The following PTPN2 variants were observed in gnomAD, a reference collection of about 807,000 sequenced individuals.
The protein encoded by PTPN2 is tyrosine-protein phosphatase non-receptor type 2.
PTPN2 carries 19 observed loss-of-function variants against 57.3 expected under a neutral mutation model. The ratio of observed to expected loss-of-function variants is 0.33; its 90% CI spans 0.23 to 0.49. The LOEUF is 0.49. Ranked by LOEUF, PTPN2 falls within the 20% of genes least tolerant of loss-of-function variation. PTPN2 has a pLI of 0.99. For synonymous variants in PTPN2, 153 were observed against 164.9 expected (o/e 0.93, Z 0.55); for missense variants, 358 against 501.1 (o/e 0.71, Z 2.73).
rs1334597034 is a variant in PTPN2, at chr18:12,793,589, A to G, written c.*689T>C. ...AATGGGGAAAACTGTAAAACATAAA[A>G]GAAATGCAATATATAGTAGAAATTG... On this transcript the variant is annotated 3_prime_UTR_variant, in exon 9 of 9. Transcript: ENST00000309660. 2.0e-6 allele frequency: 2 copies of G among 978,072 alleles called. No individual in the cohort carries two copies. Among genetic ancestry groups the G allele is most frequent in the African/African-American group, 1.8e-5 (1 of 57,062 alleles). 60.6% of individuals were successfully genotyped at this position (978,072 alleles called of 1,614,324 possible).
rs2044787351 is a variant in PTPN2 at position 12,884,228 on chromosome 18, C to T, written c.-87G>A. The T allele has an allele frequency of 6.9e-6, 7 of 1,012,872 alleles. No homozygotes were observed. Among genetic ancestry groups the T allele is most frequent in the South Asian group, 2.2e-5 (1 of 46,220 alleles). The allele number at this position is 1,012,872 out of a possible 1,614,324, so 62.7% of individuals were successfully genotyped here. A position where few individuals can be genotyped will look rare whatever the true frequency, so the allele number is the denominator to read the frequency against. ...CGATCCGGGGAGAGCGCTGGCGCTG[C>T]GGCGCATGCGCGCTGCGCGCCGCGC... On this transcript the variant is annotated 5_prime_UTR_variant, in exon 1 of 9. Coordinates refer to ENST00000309660, the MANE Select transcript of PTPN2 (RefSeq NM_002828.4).
intron 8 of PTPN2, among the ~76,000 whole-genome samples, chr18:12,798,746 G>A (rs1418809925): frequency 6.6e-6 from 1 of 152,138 alleles, no homozygotes; most frequent in Non-Finnish European, 1.5e-5. Context: ...ACAGTACAAT[G>A]ATTTATATTC....
At chr18:12,789,915 CAGAG>C (rs1355738518), downstream of PTPN2, among the ~76,000 whole-genome samples, 1 of 149,538 alleles carries the variant, frequency 6.7e-6, no homozygotes, top group Non-Finnish European at 1.5e-5. Flanking sequence ...TTATGAGAGA[CAGAG>C]AGAGAGAGGG....
At chr18:12,859,073 C>G in intron 2 of PTPN2, 91 bp downstream of exon 2, 2 of 873,910 alleles carry the variant, frequency 2.3e-6, no homozygotes, top group Admixed American at 2.6e-5. Flanking sequence ...CTGTATTTAT[C>G]AACACTGACC....
At position 12,793,879 on chromosome 18, in the gene PTPN2, C is replaced by T. The variant is rs1054651650; in HGVS notation, c.*399G>A. Reference sequence around the variant, plus strand: ...CATTATTTAAATGTCATTTTCTTTCCAATAACGTAGATAAAACCACAATAT... The same window carrying T: ...CATTATTTAAATGTCATTTTCTTTCTAATAACGTAGATAAAACCACAATAT... On this transcript the variant is annotated 3_prime_UTR_variant, in exon 9 of 9. Transcript: ENST00000309660. 4.8e-6 allele frequency: 5 copies of T among 1,048,824 alleles called. No individual in the cohort carries two copies. Among genetic ancestry groups the T allele is most frequent in the Non-Finnish European group, 5.8e-6 (5 of 867,818 alleles). The allele number at this position is 1,048,824 out of a possible 1,614,324, so 65.0% of individuals were successfully genotyped here.
intron 1 of PTPN2, among the ~76,000 whole-genome samples, chr18:12,867,607 T>A (rs756707389): frequency 1.2e-4 from 18 of 149,420 alleles, no homozygotes; most frequent in Non-Finnish European, 2.7e-4. Flanking sequence ...ATTTGAGTCT[T>A]CCTTGTCGCT....
chr18:12,861,195 T>G (rs1385236997), intron 1 of PTPN2, among the ~76,000 whole-genome samples: 1 of 152,196 alleles, frequency 6.6e-6, no homozygotes, highest in Non-Finnish European at 1.5e-5. Flanking sequence ...AATATGAAAC[T>G]TCTCCATTTT....
intron 8 of PTPN2, among the ~76,000 whole-genome samples, chr18:12,798,171 C>T (rs573679594): frequency 6.6e-6 from 1 of 152,292 alleles, no homozygotes; most frequent in East Asian, 1.9e-4. Flanking sequence ...CACACACACA[C>T]TTACATAGGT....
At chr18:12,883,771 C>G (rs1371019394) in intron 1 of PTPN2, 1 of 282,016 alleles carries the variant, frequency 3.5e-6, no homozygotes, top group Non-Finnish European at 6.7e-6. Flanking sequence ...CCGCGCAACG[C>G]TGGTGGCGCA....
intron 2 of PTPN2, among the ~76,000 whole-genome samples, chr18:12,851,624 T>A (rs780131771): frequency 6.6e-6 from 1 of 152,246 alleles, no homozygotes; most frequent in Non-Finnish European, 1.5e-5. Context: ...GCTTAATACA[T>A]CTTGGGGCTA....
chr18:12,814,416 T>A, intron 6 of PTPN2, 61 bp from the exon 7 acceptor site: 1 of 1,391,390 alleles, frequency 7.2e-7, no homozygotes, highest in South Asian at 1.4e-5. Context: ...ACAGAATCAA[T>A]GCAAGATCAT....
chr18:12,883,580 C>T (rs1290431891), intron 1 of PTPN2: 1 of 152,416 alleles, frequency 6.6e-6, no homozygotes, highest in Non-Finnish European at 1.5e-5. Context: ...GCTCGCCCGC[C>T]CCCGCCCTCA....
Position 12,884,132 on chromosome 18 carries a change from T to A in PTPN2, c.10A>T (p.Thr4Ser), listed in dbSNP as rs945467973. 1.3e-6 allele frequency: 2 copies of A among 1,585,144 alleles called. No individual in the cohort carries two copies. Among genetic ancestry groups the A allele is most frequent in the Non-Finnish European group, 1.7e-6 (2 of 1,167,248 alleles). The change falls in exon 1 of 9, where the codon ACC becomes TCC. Residue 4 changes from threonine to serine, a missense_variant. Transcript: ENST00000309660. Reference sequence around the variant, plus strand: ...AACTCTTCGAACTCCCGCTCGATGGTGGTGGGCATGGCTGCGGGAGCGAGC... The same window carrying A: ...AACTCTTCGAACTCCCGCTCGATGGAGGTGGGCATGGCTGCGGGAGCGAGC... Reference protein sequence around the residue: MPTTIEREFEELDT... With the variant: MPTSIEREFEELDT...
At chr18:12,874,127 C>T (rs1382301930) in intron 1 of PTPN2, among the ~76,000 whole-genome samples, 1 of 151,998 alleles carries the variant, frequency 6.6e-6, no homozygotes, top group Non-Finnish European at 1.5e-5. Flanking sequence ...AGCGTCTCCA[C>T]CTGGCAGCCG....
intron 1 of PTPN2, among the ~76,000 whole-genome samples, chr18:12,877,230 G>GA (rs906417677): frequency 1.3e-4 from 20 of 149,654 alleles, no homozygotes; most frequent in African/African-American, 9.8e-5. Flanking sequence ...GGAAAACAAA[G>GA]AAAAAAAAAG....
At chr18:12,821,981 T>C (rs2042284666) in intron 5 of PTPN2, among the ~76,000 whole-genome samples, 1 of 152,054 alleles carries the variant, frequency 6.6e-6, no homozygotes, top group Admixed American at 6.6e-5. Flanking sequence ...CCCTTCGAAG[T>C]TAAAAACCTC....
Position 12,870,437 on chromosome 18 carries a change from ATG to A in PTPN2, c.70-11185_70-11184del, listed in dbSNP as rs1233162492. Among the ~76,000 whole-genome samples the A allele has an allele frequency of 6.1e-3, 163 of 26,520 alleles. 21 individuals are homozygous for A. Among genetic ancestry groups the A allele is most frequent in the African/African-American group, 0.04 (138 of 3,466 alleles). The allele number at this position is 26,520 out of a possible 152,430, so 17.4% of individuals were successfully genotyped here. ...TATGTATATATATACGTATATATAT[ATG>A]TGTATATATATATATATATATATAG... On this transcript the variant is annotated intron_variant, in intron 1 of 8. Coordinates refer to ENST00000309660, the MANE Select transcript of PTPN2 (RefSeq NM_002828.4).
chr18:12,859,650 C>G (rs1420795881), intron 1 of PTPN2, among the ~76,000 whole-genome samples: 1 of 152,220 alleles, frequency 6.6e-6, no homozygotes, highest in Non-Finnish European at 1.5e-5. Context: ...ATGGAGGTAT[C>G]TATGGTCAGC....
At position 12,793,830 on chromosome 18, in the gene PTPN2, C is replaced by T. The variant is rs541568360; in HGVS notation, c.*448G>A. On this transcript the variant is annotated 3_prime_UTR_variant, in exon 9 of 9. Coordinates refer to ENST00000309660, the MANE Select transcript of PTPN2 (RefSeq NM_002828.4). ...AGAATAAAAGTGTTGATGCCCATGT[C>T]AATAGTACATTATACATTACACACA... 2.1e-3 allele frequency: 2,076 copies of T among 965,746 alleles called. 9 individuals carry two copies. Among genetic ancestry groups the T allele is most frequent in the Non-Finnish European group, 2.4e-3 (1,960 of 807,880 alleles). The allele number at this position is 965,746 out of a possible 1,614,324, so 59.8% of individuals were successfully genotyped here.
Sources: allele counts gnomAD v4.1 joint callset (sites outside exome capture counted in the v4.1 genomes callset), GRCh38; gene constraint gnomAD v4.1.1; transcripts MANE v1.5; gene names NCBI Gene and HGNC (gene_info 2026-07-23, HGNC 2026-07-21).